WASL: variants seen among roughly 807,000 people sequenced by gnomAD.
WASL encodes WASP like actin nucleation promoting factor.
A neutral mutation model predicts 55.5 loss-of-function variants in WASL; 20 were observed. That is an observed-to-expected ratio of 0.36 (90% CI 0.25 to 0.52). The LOEUF is 0.52. Ranked by LOEUF, WASL falls within the 20% of genes least tolerant of loss-of-function variation. WASL has a pLI of 0.92. For missense variants in WASL, 504 were observed against 622.5 expected, an observed-to-expected ratio of 0.81 and a Z score of 2.03; for synonymous variants, 249 against 217.6, an observed-to-expected ratio of 1.14 and a Z score of -1.27.
intron 10 of WASL, among the ~76,000 whole-genome samples, chr7:123,685,949 G>A (rs1205364237): frequency 1.3e-5 from 2 of 149,258 alleles, no homozygotes; most frequent in African/African-American, 4.9e-5. Context: ...GACAGTGGCT[G>A]AGTAATTGTA....
chr7:123,703,135 C>T (rs1803617086), intron 5 of WASL, among the ~76,000 whole-genome samples: 1 of 152,150 alleles, frequency 6.6e-6, no homozygotes, highest in Non-Finnish European at 1.5e-5. Flanking sequence ...TTTGCCTCTG[C>T]CATGTACTAA....
Position 123,731,919 on chromosome 7 carries a change from A to G in WASL, c.117+16699T>C, listed in dbSNP as rs1407776266. Among the ~76,000 whole-genome samples, 4 of 152,306 alleles carry G rather than the reference A, an allele frequency of 2.6e-5. No individual in the cohort carries two copies. In the East Asian group the frequency reaches 7.7e-4, roughly 29 times the overall value. ...AAAGAAAAAAAGAATTATAGCAGAA[A>G]TCAATGCAACTGAAAATAGGAAATC... On this transcript the variant is annotated intron_variant, in intron 1 of 10. Transcript: ENST00000223023.
At chr7:123,704,956 C>T (rs1803644958) in intron 4 of WASL, among the ~76,000 whole-genome samples, 1 of 152,104 alleles carries the variant, frequency 6.6e-6, no homozygotes, top group Non-Finnish European at 1.5e-5. Flanking sequence ...ATGTAGGGTT[C>T]CACAGGCCAT....
intron 1 of WASL, among the ~76,000 whole-genome samples, chr7:123,739,255 C>T (rs1379625069): frequency 1.3e-5 from 2 of 152,190 alleles, no homozygotes; most frequent in African/African-American, 4.8e-5. Context: ...CCTCAATTTA[C>T]TCTTCAAACT....
chr7:123,687,292 A>G (rs1803308177), intron 10 of WASL, among the ~76,000 whole-genome samples: 1 of 152,052 alleles, frequency 6.6e-6, no homozygotes, highest in Non-Finnish European at 1.5e-5. Flanking sequence ...AAAACCCTCC[A>G]ATGGCTTCCC....
At chr7:123,740,001 G>A (rs1325738891) in intron 1 of WASL, among the ~76,000 whole-genome samples, 2 of 151,610 alleles carry the variant, frequency 1.3e-5, no homozygotes, top group Non-Finnish European at 2.9e-5. Context: ...AATAACTGAG[G>A]GGTAAAACCT....
chr7:123,687,967 A>G (rs1159906076), intron 10 of WASL, among the ~76,000 whole-genome samples: 1 of 152,176 alleles, frequency 6.6e-6, no homozygotes, highest in African/African-American at 2.4e-5. Flanking sequence ...GTGACATACT[A>G]TTTAATTCTC....
rs544846187 is a variant in WASL at position 123,694,699 on chromosome 7, T to G, written c.826+16A>C. The G allele has an allele frequency of 6.2e-7, 1 of 1,611,272 alleles. No individual in the cohort carries two copies. Among genetic ancestry groups the G allele is most frequent in the African/African-American group, 1.3e-5 (1 of 74,758 alleles). The stretch of plus-strand genomic sequence containing the variant: ...GATTAAAACAAAACAGAACGCTGAA[T>G]AGAGATAAAAGTTACCTTGCCTCCG... On this transcript the variant is annotated intron_variant, in intron 8 of 10. Coordinates refer to ENST00000223023, the MANE Select transcript of WASL (RefSeq NM_003941.4).
At chr7:123,709,278 T>C (rs193213619) in intron 1 of WASL, 55 bp from the exon 2 acceptor site, 232 of 1,485,726 alleles carry the variant, frequency 1.6e-4, no homozygotes, top group African/African-American at 2.8e-4. Context: ...TAGATGATCA[T>C]AGCCCCTGCT....
intron 5 of WASL, among the ~76,000 whole-genome samples, chr7:123,700,048 C>T (rs1242443028): frequency 2.0e-5 from 3 of 151,238 alleles, no homozygotes; most frequent in East Asian, 2.0e-4. Context: ...TGGTGGCGCG[C>T]GCCTGTAGTC....
Position 123,683,848 on chromosome 7 carries a change from A to C in WASL, c.*671T>G, listed in dbSNP as rs181758680. 192 of 152,154 alleles carry C rather than the reference A, an allele frequency of 1.3e-3. No individual in the cohort carries two copies. The highest frequency in any genetic ancestry group is 4.5e-3 in the African/African-American group (185 of 41,550). The allele number at this position is 152,154 out of a possible 1,614,324, so 9.4% of individuals were successfully genotyped here. A position where few individuals can be genotyped will look rare whatever the true frequency, so the allele number is the denominator to read the frequency against. ...TAACCCCAGTCAATAACAAGTATTT[A>C]AGGGCTCCTTATGATCCCAGTCTGC... On this transcript the variant is annotated 3_prime_UTR_variant, in exon 11 of 11. Coordinates refer to ENST00000223023, the MANE Select transcript of WASL (RefSeq NM_003941.4).
At chr7:123,740,876 A>ATTTATT (rs1323399594) in intron 1 of WASL, among the ~76,000 whole-genome samples, 2 of 152,188 alleles carry the variant, frequency 1.3e-5, no homozygotes, top group East Asian at 3.9e-4. Context: ...GTGAACCACC[A>ATTTATT]CGTCCAGCCC....
intron 1 of WASL, chr7:123,720,374 G>C (rs1291185671): frequency 4.7e-6 from 2 of 427,284 alleles, no homozygotes; most frequent in African/African-American, 4.3e-5. Context: ...TGTTATTCAA[G>C]TAATGATAAG....
At chr7:123,722,159 A>G (rs1000198167) in intron 1 of WASL, among the ~76,000 whole-genome samples, 2 of 152,198 alleles carry the variant, frequency 1.3e-5, no homozygotes, top group African/African-American at 4.8e-5. Flanking sequence ...CACCTGCTAC[A>G]TTTCAAGTGC....
At chr7:123,705,468 T>C (rs1163504152) in intron 4 of WASL, among the ~76,000 whole-genome samples, 1 of 152,176 alleles carries the variant, frequency 6.6e-6, no homozygotes, top group Non-Finnish European at 1.5e-5. Context: ...GGAAGATGTG[T>C]CAGTACTGAA....
chr7:123,719,827 T>A lies in WASL; in HGVS notation c.118-10604A>T, dbSNP rs190803073. On this transcript the variant is annotated intron_variant, in intron 1 of 10. Transcript: ENST00000223023. ...AGTTACAACTGTCTTGGTAAATTCT[T>A]TTTACCACCCAAGCCACCAGCCAGA... is the stretch of plus-strand genomic sequence containing the variant. Among the ~76,000 whole-genome samples, 211 of 152,270 alleles carry A rather than the reference T, an allele frequency of 1.4e-3. 1 individual carries two copies. The highest frequency in any genetic ancestry group is 2.2e-4 in the Non-Finnish European group (15 of 67,992).
Position 123,692,643 on chromosome 7 carries a change from G to A in WASL, c.1051C>T (p.Pro351Ser), listed in dbSNP as rs771020115. ...GGAGGCCCTGAAGGTGCTGAGGAGG[G>A]AAGGGCTGGAGGTGGAGGAGGGTAC... The part of the protein sequence containing the change: ...RMYPPPPPAL[P>S]SSAPSGPPPP... The change falls in exon 9 of 11, where the codon CCC becomes TCC. Residue 351 changes from proline (P) to serine (S), a missense_variant. This residue lies in a region of WASL where 201 missense variants were observed against 206.2 expected (regional missense o/e 0.97). Transcript: ENST00000223023. The A allele has an allele frequency of 2.5e-6, 4 of 1,582,174 alleles. No individual in the cohort carries two copies. In the African/African-American group the frequency reaches 5.5e-5, roughly 22 times the overall value.
At chr7:123,716,730 C>T (rs1391759136) in intron 1 of WASL, among the ~76,000 whole-genome samples, 2 of 152,022 alleles carry the variant, frequency 1.3e-5, no homozygotes, top group Non-Finnish European at 2.9e-5. Flanking sequence ...TTTGCTACTA[C>T]TCTTCTGTGG....
chr7:123,711,904 G>C (rs1803763535), intron 1 of WASL, among the ~76,000 whole-genome samples: 1 of 152,168 alleles, frequency 6.6e-6, no homozygotes, highest in African/African-American at 2.4e-5. Context: ...AACTTTGGTA[G>C]AAACAGAACC....
Sources: gnomAD v4.1 joint callset for allele counts (sites outside exome capture counted in the v4.1 genomes callset) on GRCh38, gnomAD v4.1.1 for gene constraint, gnomAD v4.1.1 regional missense constraint, MANE v1.5 for transcripts, NCBI Gene and HGNC (gene_info 2026-07-23, HGNC 2026-07-21) for gene names.